SHTN1: variants seen among roughly 807,000 people sequenced by gnomAD.
The protein encoded by SHTN1 is shootin 1, also known as shootin-1.
In SHTN1, 42 loss-of-function variants were observed where a neutral mutation model predicts 83.1. The ratio of observed to expected loss-of-function variants is 0.51; its 90% confidence interval spans 0.39 to 0.65. The LOEUF is 0.65. Ranked by LOEUF, SHTN1 falls within the 30% of genes least tolerant of loss-of-function variation. The pLI is 0.00. For missense variants in SHTN1, 622 were observed against 737.8 expected (o/e 0.84, Z 1.82); for synonymous variants, 224 against 247.7 (o/e 0.90, Z 0.90).
chr10:116,944,782 T>C, intron 8 of SHTN1, 142 bp downstream of exon 8: 1 of 636,318 alleles, frequency 1.6e-6, no homozygotes, highest in Non-Finnish European at 2.8e-6. Context: ...TCCCAGCTAC[T>C]CGGGGGGCTG....
chr10:116,932,333 C>T (rs1327588776), intron 9 of SHTN1, among the ~76,000 whole-genome samples: 4 of 152,176 alleles, frequency 2.6e-5, no homozygotes, highest in South Asian at 2.1e-4. Context: ...AGATCAGCAG[C>T]GGCAACAGAC....
chr10:116,921,382 G>A, intron 12 of SHTN1, 52 bp downstream of exon 12: 1 of 1,297,146 alleles, frequency 7.7e-7, no homozygotes. Flanking sequence ...TATGTGAATT[G>A]CCCCAAAATG....
chr10:117,061,869 T>C (rs1852908974), intron 1 of SHTN1, among the ~76,000 whole-genome samples: 1 of 152,200 alleles, frequency 6.6e-6, no homozygotes, highest in Admixed American at 6.5e-5. Context: ...ACACATTCCA[T>C]GCTATGTTTT....
At position 116,907,831 on chromosome 10, in the gene SHTN1, A is replaced by G. The variant is rs565319226; in HGVS notation, c.1360-1084T>C. ...CAGAGTCAAAAGACAGCTTTTGTCC[A>G]CCAAGGCTAATAATCTTGCCAGCCT... On this transcript the variant is annotated intron_variant, in intron 14 of 16. Transcript: ENST00000355371. 3.3e-5 allele frequency: 17 copies of G among 508,434 alleles called. No homozygotes were observed. In the East Asian group the frequency reaches 8.8e-4, roughly 26 times the overall value. 31.5% of individuals were successfully genotyped at this position (508,434 alleles called of 1,614,324 possible). A position where few individuals can be genotyped will look rare whatever the true frequency, so the allele number is the denominator to read the frequency against.
intron 1 of SHTN1, among the ~76,000 whole-genome samples, chr10:117,075,726 T>C (rs1470607832): frequency 6.6e-6 from 1 of 152,096 alleles, no homozygotes; most frequent in East Asian, 1.9e-4. Context: ...TTAGTTAGAA[T>C]GGGTTAGAGG....
rs116398849 is a variant in SHTN1, at chr10:116,899,771, G to A, written c.1673+1994C>T. On this transcript the variant is annotated intron_variant, in intron 16 of 16. Transcript: ENST00000355371. The stretch of plus-strand genomic sequence containing the variant: ...TACTTTACTTATTAATTGCTGACCC[G>A]ACTTCAAAGTGCTTTGACAGGCCAA... 2.4e-3 allele frequency among the ~76,000 whole-genome samples: 362 copies of A among 152,212 alleles called. 3 individuals are homozygous for A. The highest frequency in any genetic ancestry group is 8.2e-3 in the African/African-American group (339 of 41,522).
rs1219407443 is a variant in SHTN1 at position 116,921,509 on chromosome 10, T to G, written c.1120A>C (p.Met374Leu). The G allele has an allele frequency of 6.2e-7, 1 of 1,612,552 alleles. No individual in the cohort carries two copies. Reference protein sequence around the residue: ...PPPPNPIRSLMSMIRKRSHPS... With the variant: ...PPPPNPIRSLLSMIRKRSHPS... The stretch of plus-strand genomic sequence containing the variant: ...TGGGATCGTTTCCGGATCATGGACA[T>G]GAGGGATCTTTGGGAGAAAGAAAAA... The change falls in exon 12 of 17, where the codon ATG becomes CTG. Residue 374 changes from methionine (M) to leucine (L), a missense_variant. By Grantham distance (15) the Met-to-Leu change is conservative. Transcript: ENST00000355371.
intron 7 of SHTN1, 27 bp from the exon 8 acceptor site, chr10:116,945,045 C>T: frequency 7.9e-7 from 1 of 1,272,330 alleles, no homozygotes; most frequent in Non-Finnish European, 1.1e-6. Flanking sequence ...AAAAAAAAAA[C>T]CCAGACAATA....
At chr10:116,981,555 G>A (rs1172461944) in intron 1 of SHTN1, among the ~76,000 whole-genome samples, 1 of 152,186 alleles carries the variant, frequency 6.6e-6, no homozygotes, top group Non-Finnish European at 1.5e-5. Flanking sequence ...CCACTGGGTA[G>A]TCTATGGTCA....
chr10:116,907,380 A>G (rs1031459187), intron 14 of SHTN1, among the ~76,000 whole-genome samples: 1 of 152,156 alleles, frequency 6.6e-6, no homozygotes, highest in African/African-American at 2.4e-5. Flanking sequence ...CATTCCTAAC[A>G]CAGGAGACAG....
At chr10:117,036,929 A>G (rs555569180) in intron 2 of SHTN1, among the ~76,000 whole-genome samples, 1 of 152,346 alleles carries the variant, frequency 6.6e-6, no homozygotes, top group African/African-American at 2.4e-5. Context: ...CACAAAAAAC[A>G]ATAAATGGAC....
intron 9 of SHTN1, among the ~76,000 whole-genome samples, chr10:116,939,951 C>T (rs1849309454): frequency 1.3e-5 from 2 of 152,178 alleles, no homozygotes; most frequent in East Asian, 3.8e-4. Context: ...CTCCACTCAT[C>T]AAATTGAAAT....
intron 11 of SHTN1, among the ~76,000 whole-genome samples, chr10:116,926,559 G>A (rs768325054): frequency 6.6e-6 from 1 of 152,278 alleles, no homozygotes; most frequent in South Asian, 2.1e-4. Context: ...AAACTAATGA[G>A]AATCTTTTTA....
intron 2 of SHTN1, among the ~76,000 whole-genome samples, chr10:116,976,177 T>G (rs1422924463): frequency 1.3e-5 from 2 of 152,148 alleles, no homozygotes. Flanking sequence ...CACACTGCTG[T>G]GTAGAGCATG....
chr10:117,106,047 T>C (rs1377948598), intron 1 of SHTN1, among the ~76,000 whole-genome samples: 3 of 151,610 alleles, frequency 2.0e-5, no homozygotes, highest in Non-Finnish European at 4.4e-5. Flanking sequence ...CAGGCAAAAG[T>C]TGGAGTGAGC....
At chr10:117,104,310 A>G (rs1014568493) in intron 1 of SHTN1, among the ~76,000 whole-genome samples, 2 of 152,182 alleles carry the variant, frequency 1.3e-5, no homozygotes, top group Non-Finnish European at 2.9e-5. Flanking sequence ...CTAATAACTA[A>G]GAATTCTCAG....
At chr10:116,920,060 G>T (rs1345032848) in intron 12 of SHTN1, among the ~76,000 whole-genome samples, 1 of 152,198 alleles carries the variant, frequency 6.6e-6, no homozygotes, top group African/African-American at 2.4e-5. Flanking sequence ...ACCACAGCCA[G>T]AGTAGAGGTA....
At chr10:116,889,042 A>T (rs187386529) in intron 16 of SHTN1, among the ~76,000 whole-genome samples, 517 of 152,306 alleles carry the variant, frequency 3.4e-3, no homozygotes, top group Non-Finnish European at 5.0e-3. Flanking sequence ...CATGCAAAGG[A>T]GGTAGTATTT....
intron 16 of SHTN1, among the ~76,000 whole-genome samples, chr10:116,888,658 TGGA>T (rs776250976): frequency 6.6e-6 from 1 of 152,182 alleles, no homozygotes; most frequent in Non-Finnish European, 1.5e-5. Context: ...TTGGAAAAGC[TGGA>T]GGAGGAGATG....
Sources: allele counts gnomAD v4.1 joint callset (sites outside exome capture counted in the v4.1 genomes callset), GRCh38; gene constraint gnomAD v4.1.1; transcripts MANE v1.5; gene names NCBI Gene and HGNC (gene_info 2026-07-23, HGNC 2026-07-21).